The following PRRC2A variants were observed in gnomAD, a reference collection of about 807,000 sequenced individuals.
PRRC2A encodes the protein proline rich coiled-coil 2A.
In PRRC2A, 59 loss-of-function variants were observed where a neutral mutation model predicts 224.6. The ratio of observed to expected loss-of-function variants is 0.26; its 90% CI spans 0.21 to 0.33. PRRC2A has a LOEUF of 0.33. PRRC2A is among the 10% of genes least tolerant of loss of function. PRRC2A has a pLI of 1.00. For synonymous variants in PRRC2A, 1,194 were observed against 1,109.5 expected (o/e 1.08, Z -1.51); for missense variants, 3,095 against 2,880.7 (o/e 1.07, Z -1.70).
Position 31,630,800 on chromosome 6 carries a change from A to G in PRRC2A, c.2464A>G (p.Arg822Gly), listed in dbSNP as rs749871641. ...TGCGGATGAGGATGACAAGGGGATG[A>G]GGTGAGTCTTGGTCATGAGAAATGG... ...QAADEDDKGM[R>G]SETPPVPPPP... Residue 822 changes from arginine (R) to glycine (G), a missense_variant and splice_region_variant, in exon 15 of 31, where the codon AGG becomes GGG. Transcript: ENST00000376033. The G allele has an allele frequency of 6.1e-5, 98 of 1,613,848 alleles. No individual in the cohort carries two copies. The highest frequency in any genetic ancestry group is 7.7e-5 in the Non-Finnish European group (91 of 1,179,962).
At position 31,631,211 on chromosome 6, in the gene PRRC2A, C is replaced by T. The variant is rs756306782; in HGVS notation, c.2538C>T (p.Ala846=). 4.3e-5 allele frequency: 69 copies of T among 1,604,182 alleles called. No individual in the cohort carries two copies. The highest frequency in any genetic ancestry group is 5.7e-5 in the Non-Finnish European group (67 of 1,176,052). ...ATCCAGGCTTTCCTGAGAATGGAGC[C>T]CCTGGGCCCCCAATCTCTCGCTTTC... The part of the protein sequence containing the change: ...ASYPGFPENG[A]PGPPISRFPL... Residue 846 remains alanine, a synonymous_variant, in exon 16 of 31, where the codon GCC becomes GCT. Transcript: ENST00000376033. The surrounding 1 kb of genome is among the most constrained non-coding windows in gnomAD (Gnocchi z 4.5).
chr6:31,622,811 A>G lies in PRRC2A; in HGVS notation c.22A>G (p.Thr8Ala). ...CGCAATGTCCGATCGCTCGGGGCCG[A>G]CTGCCAAGGGAAAGGATGGAAAGAA... The part of the protein sequence containing the change: MSDRSGP[T>A]AKGKDGKKYS... The change falls in exon 2 of 31, where the codon ACT (threonine) becomes GCT (alanine). Residue 8 changes from threonine to alanine, a missense_variant. Physicochemically the swap from Thr to Ala is moderately conservative, Grantham distance 58. Coordinates refer to ENST00000376033, the MANE Select transcript of PRRC2A (RefSeq NM_004638.4). 3 of 1,614,004 alleles carry G rather than the reference A, an allele frequency of 1.9e-6. No individual in the cohort carries two copies. The highest frequency in any genetic ancestry group is 2.5e-6 in the Non-Finnish European group (3 of 1,180,016).
intron 2 of PRRC2A, chr6:31,623,248 G>C (rs1334754986): frequency 1.9e-6 from 1 of 538,618 alleles, no homozygotes; most frequent in Non-Finnish European, 3.4e-6. Context: ...TTCTTGATAG[G>C]GATTTCATAG....
chr6:31,635,519 C>T, intron 23 of PRRC2A, 54 bp downstream of exon 23: 1 of 1,611,412 alleles, frequency 6.2e-7, no homozygotes, highest in Non-Finnish European at 8.5e-7. Flanking sequence ...GGGAAGATTG[C>T]TGGGAGTGAC....
intron 17 of PRRC2A, 76 bp from the exon 18 acceptor site, chr6:31,633,783 G>A (rs764064745): frequency 2.0e-6 from 3 of 1,533,314 alleles, no homozygotes; most frequent in African/African-American, 1.4e-5. Context: ...TAGAAGAATT[G>A]GGAGGTGGAG....
At chr6:31,635,886 T>A (rs927773451) in intron 24 of PRRC2A, 81 bp from the exon 25 acceptor site, 68 of 1,456,866 alleles carry the variant, frequency 4.7e-5, no homozygotes, top group Non-Finnish European at 5.8e-5. Context: ...CTCCCTACTT[T>A]TTGCTTCTAT....
chr6:31,637,355 T>G, intron 30 of PRRC2A, 31 bp downstream of exon 30: 11 of 1,601,744 alleles, frequency 6.9e-6, no homozygotes, highest in Non-Finnish European at 9.4e-6. Flanking sequence ...GCCCCAACTC[T>G]AAATTCGAGT....
At chr6:31,635,333 T>TG (rs1294349611) in intron 22 of PRRC2A, 61 bp downstream of exon 22, 1 of 1,613,788 alleles carries the variant, frequency 6.2e-7, no homozygotes, top group Non-Finnish European at 8.5e-7. Flanking sequence ...GGACTAAAGG[T>TG]GGGACATAGA....
Position 31,626,835 on chromosome 6 carries a change from A to G in PRRC2A, c.1046A>G (p.Asp349Gly). Residue 349 changes from aspartate to glycine, a missense_variant, in exon 10 of 31, where the codon GAC (aspartate) becomes GGC (glycine). By Grantham distance (94) the Asp-to-Gly change is moderately conservative. Coordinates refer to ENST00000376033, the MANE Select transcript of PRRC2A (RefSeq NM_004638.4). ...TTCAGCGATGAGGAAGATGGGCGAGACTCTGATGAGGAGGGTGCTGAGGGC... is the reference window on the plus strand; with the variant it reads ...TTCAGCGATGAGGAAGATGGGCGAGGCTCTGATGAGGAGGGTGCTGAGGGC... ...LKFSDEEDGR[D>G]SDEEGAEGHR... is the part of the protein sequence containing the mutation. The G allele has an allele frequency of 6.2e-7, 1 of 1,606,368 alleles. No homozygotes were observed. Among genetic ancestry groups the G allele is most frequent in the South Asian group, 1.1e-5 (1 of 90,062 alleles).
chr6:31,631,795 C>G lies in PRRC2A; in HGVS notation c.3122C>G (p.Thr1041Ser). ...YFARGRGFRG[T>S]YGGRGRGARS... ...GCCAGAGGGAGGGGTTTTCGGGGGA[C>G]CTATGGGGGACGAGGGCGGGGAGCC... Residue 1041 changes from threonine (T) to serine (S), a missense_variant, in exon 16 of 31, where the codon ACC (threonine) becomes AGC (serine). Transcript: ENST00000376033. The surrounding 1 kb of genome is among the most constrained non-coding windows in gnomAD (Gnocchi z 4.5). The G allele has an allele frequency of 6.3e-7, 1 of 1,578,454 alleles. No individual in the cohort carries two copies. Among genetic ancestry groups the G allele is most frequent in the East Asian group, 2.3e-5 (1 of 44,160 alleles).
Position 31,623,899 on chromosome 6 carries a change from G to A in PRRC2A, c.280G>A (p.Asp94Asn). 2 of 1,614,120 alleles carry A rather than the reference G, an allele frequency of 1.2e-6. No individual in the cohort carries two copies. Among genetic ancestry groups the A allele is most frequent in the Non-Finnish European group, 1.7e-6 (2 of 1,180,010 alleles). Reference sequence around the variant, plus strand: ...ATGGGCAAGCAAACAGGAGCAGTCCGACCCCAAGAGGTAGACAGAGGCTTG... The same window carrying A: ...ATGGGCAAGCAAACAGGAGCAGTCCAACCCCAAGAGGTAGACAGAGGCTTG... ...TGWASKQEQSDPKSSDASTAQ... is the reference protein window; with the variant it reads ...TGWASKQEQSNPKSSDASTAQ... Residue 94 changes from aspartate (D) to asparagine (N), a missense_variant, in exon 3 of 31, where the codon GAC becomes AAC. This residue lies in a region of PRRC2A where 52 missense variants were observed against 77.9 expected (regional missense o/e 0.67). Transcript: ENST00000376033.
Position 31,625,963 on chromosome 6 carries a change from TC to T in PRRC2A, c.840-56del. 6 of 1,600,832 alleles carry T rather than the reference TC, an allele frequency of 3.7e-6. No individual in the cohort carries two copies. Among genetic ancestry groups the T allele is most frequent in the Non-Finnish European group, 5.1e-6 (6 of 1,171,594 alleles). On this transcript the variant is annotated intron_variant, in intron 8 of 30. Coordinates refer to ENST00000376033, the MANE Select transcript of PRRC2A (RefSeq NM_004638.4). The surrounding 1 kb of genome is among the most constrained non-coding windows in gnomAD (Gnocchi z 4.1). Reference sequence around the variant, plus strand: ...TCTAGCCAGGAGGCTCAGTCTAGGATCAGTCTCGCATGTGGTTATACAACAT... The same window carrying T: ...TCTAGCCAGGAGGCTCAGTCTAGGATAGTCTCGCATGTGGTTATACAACAT...
At position 31,636,129 on chromosome 6, in the gene PRRC2A, G is replaced by C; in HGVS notation, c.5624+80G>C. ...AGGGAAGGGGAAGACACAGTTCTAG[G>C]GTACTAGAAGCTAGTGGACTTAAGG... On this transcript the variant is annotated intron_variant, in intron 25 of 30. Transcript: ENST00000376033. This position sits in a 1 kb window ranked among gnomAD's most constrained non-coding sequence, Gnocchi z 4.3. 6.5e-7 allele frequency: 1 copy of C among 1,545,380 alleles called. No individual in the cohort carries two copies. Among genetic ancestry groups the C allele is most frequent in the Non-Finnish European group, 8.9e-7 (1 of 1,118,002 alleles).
chr6:31,634,066 T>C (rs3115663), intron 18 of PRRC2A, 77 bp downstream of exon 18: 278,824 of 1,579,806 alleles, frequency 0.18, 26,347 homozygotes, highest in African/African-American at 0.2. Context: ...TTTCTCTGTT[T>C]TCTTTCCTGT....
Position 31,636,227 on chromosome 6 carries a change from A to G in PRRC2A, c.5643A>G (p.Leu1881=). 1 of 1,611,542 alleles carries G rather than the reference A, an allele frequency of 6.2e-7. No individual in the cohort carries two copies. The highest frequency in any genetic ancestry group is 1.3e-5 in the African/African-American group (1 of 74,564). ...LHPYRSQPLY[L]PPGPAPPSAL... ...TTTTCAGATCACAGCCCCTATACCT[A>G]CCCCCCGGCCCAGCCCCTCCCTCAG... Residue 1881 remains leucine, a synonymous_variant, in exon 26 of 31, where the codon CTA becomes CTG. Coordinates refer to ENST00000376033, the MANE Select transcript of PRRC2A (RefSeq NM_004638.4). The surrounding 1 kb of genome is among the most constrained non-coding windows in gnomAD (Gnocchi z 4.3).
In PRRC2A at chr6:31,632,681, G is replaced by T. The variant is rs771725829; in HGVS notation, c.4008G>T (p.Gly1336=). The T allele has an allele frequency of 4.3e-6, 7 of 1,613,100 alleles. No individual in the cohort carries two copies. The South Asian group carries it at 7.7e-5, about 18-fold the overall frequency. ...GTGACTTCACCAGTGAGCGCCGAGG[G>T]GACAAAGAGGCACCCCCACCAGTAC... ...ESSDFTSERR[G]DKEAPPPVLL... Residue 1336 remains glycine (G), a synonymous_variant, in exon 16 of 31, where the codon GGG becomes GGT. Transcript: ENST00000376033.
At position 31,627,434 on chromosome 6, in the gene PRRC2A, T is replaced by G. The variant is rs1363034172; in HGVS notation, c.1290+236T>G. Among the ~76,000 whole-genome samples, 1 of 151,952 alleles carries G rather than the reference T, an allele frequency of 6.6e-6. No individual in the cohort carries two copies. The highest frequency in any genetic ancestry group is 2.4e-5 in the African/African-American group (1 of 41,346). ...AGAAGAAAAAGGAGCCCTGGGTGTT[T>G]GGGTTTCGGAAGGAGAGAGGGAACA... On this transcript the variant is annotated intron_variant, in intron 11 of 30. Transcript: ENST00000376033. The surrounding 1 kb of genome is among the most constrained non-coding windows in gnomAD (Gnocchi z 5.6).
chr6:31,628,645 C>G (rs935938999), intron 12 of PRRC2A: 3 of 240,360 alleles, frequency 1.2e-5, no homozygotes, highest in South Asian at 8.5e-5. Context: ...AGTTCAAGAT[C>G]AGCCTGGCCA....
In PRRC2A at chr6:31,636,919, T is replaced by C. The variant is rs1291108420; in HGVS notation, c.6121T>C (p.Phe2041Leu). 2 of 1,612,866 alleles carry C rather than the reference T, an allele frequency of 1.2e-6. No homozygotes were observed. The highest frequency in any genetic ancestry group is 2.7e-5 in the African/African-American group (2 of 74,934). ...TRVLPSPARP[F>L]PASLGRAELH... ...GGTGCTGCCTTCACCTGCCAGGCCC[T>C]TCCCCGCTAGCTTGGGGCGAGCAGA... Residue 2041 changes from phenylalanine to leucine, a missense_variant, in exon 28 of 31, where the codon TTC (phenylalanine) becomes CTC (leucine). By Grantham distance (22) the Phe-to-Leu change is conservative. Transcript: ENST00000376033. This position sits in a 1 kb window ranked among gnomAD's most constrained non-coding sequence, Gnocchi z 4.3.
Sources: allele counts gnomAD v4.1 joint callset (sites outside exome capture counted in the v4.1 genomes callset), GRCh38; gene constraint gnomAD v4.1.1; regional missense constraint gnomAD v4.1.1; non-coding constraint Gnocchi (gnomAD v3.1); transcripts MANE v1.5; gene names NCBI Gene and HGNC (gene_info 2026-07-23, HGNC 2026-07-21).